SETD6: variants seen among roughly 807,000 people sequenced by gnomAD.
SETD6 encodes the protein N-lysine methyltransferase SETD6.
A neutral mutation model predicts 52.7 loss-of-function variants in SETD6; 67 were observed. That is an observed-to-expected ratio of 1.27 (90% CI 1.04 to 1.56). The LOEUF (loss-of-function observed/expected upper bound fraction) is 1.56. SETD6 is among the 40% of genes most tolerant of loss of function. The probability of loss-of-function intolerance (pLI) is 0.00; values close to 1 mark genes in which losing one functional copy is unlikely to be tolerated. For synonymous variants in SETD6, 307 were observed against 250.2 expected (o/e 1.23, Z -2.14); for missense variants, 712 against 607.5 (o/e 1.17, Z -1.81).
rs142453612 is a variant in SETD6, at chr16:58,521,551, G to T, written c.*2522G>T. ...GTATTTATATAAAGTGCAGATAATG[G>T]TATCTACCTCACAGCTGTTCAGAAT... On this transcript the variant is annotated 3_prime_UTR_variant, in exon 8 of 8. Coordinates refer to ENST00000219315, the MANE Select transcript of SETD6 (RefSeq NM_001160305.4). Among the ~76,000 whole-genome samples the T allele has an allele frequency of 4.7e-3, 714 of 152,290 alleles. 3 individuals are homozygous for T. The highest frequency in any genetic ancestry group is 0.016 in the African/African-American group (667 of 41,560).
rs1211896817 is a variant in SETD6, at chr16:58,518,765, C to T, written c.1158C>T (p.Asp386=). 1.9e-6 allele frequency: 3 copies of T among 1,613,978 alleles called. No individual in the cohort carries two copies. Among genetic ancestry groups the T allele is most frequent in the African/African-American group, 1.3e-5 (1 of 74,976 alleles). Residue 386 remains aspartate (D), a synonymous_variant, in exon 8 of 8, where the codon GAC becomes GAT. Transcript: ENST00000219315. ...MPAEEFRELK[D]QDGGGDDKRE... is the part of the protein sequence containing the mutation. The stretch of plus-strand genomic sequence containing the variant: ...CTGAGGAGTTCAGAGAGCTTAAAGA[C>T]CAGGATGGAGGGGGAGATGATAAAA...
chr16:58,518,230 G>A lies in SETD6; in HGVS notation c.972G>A (p.Gln324=). Residue 324 remains glutamine (Q), a splice_region_variant and synonymous_variant, in exon 6 of 8, where the codon CAG becomes CAA. Coordinates refer to ENST00000219315, the MANE Select transcript of SETD6 (RefSeq NM_001160305.4). ...QMVTVREAAL[Q]GTKTEAERHL... is the part of the protein sequence containing the mutation. ...TGACAGTTCGTGAGGCAGCATTACA[G>A]GGTGAGTGTATCATTAACTCAATAT... The A allele has an allele frequency of 1.9e-6, 3 of 1,614,200 alleles. No individual in the cohort carries two copies. The highest frequency in any genetic ancestry group is 1.7e-5 in the Admixed American group (1 of 60,020).
At position 58,523,349 on chromosome 16, in the gene SETD6, A is replaced by G; in HGVS notation, c.*4320A>G. ...GGAGGAGATCCTTTTGAAGCATTTA[A>G]AAAATAAGCTGCTCGCTTACCTTGT... On this transcript the variant is annotated 3_prime_UTR_variant, in exon 8 of 8. Coordinates refer to ENST00000219315, the MANE Select transcript of SETD6 (RefSeq NM_001160305.4). 7.7e-6 allele frequency: 12 copies of G among 1,560,262 alleles called. No individual in the cohort carries two copies. The highest frequency in any genetic ancestry group is 1.0e-5 in the Non-Finnish European group (12 of 1,153,226).
rs772042940 is a variant in SETD6 at position 58,518,515 on chromosome 16, C to G, written c.1088C>G (p.Thr363Ser). 1.3e-5 allele frequency: 20 copies of G among 1,593,928 alleles called. No individual in the cohort carries two copies. The highest frequency in any genetic ancestry group is 1.6e-5 in the Non-Finnish European group (19 of 1,175,606). ...GTGATAGGGAGGGAGGAGGTGCTGA[C>G]TGAAGAGGAGCTGACCACCACACTA... is the stretch of plus-strand genomic sequence containing the variant. ...AFVIGREEVLTEEELTTTLKV... is the reference protein window; with the variant it reads ...AFVIGREEVLSEEELTTTLKV... The change falls in exon 7 of 8, where the codon ACT becomes AGT. Residue 363 changes from threonine to serine, a missense_variant. Physicochemically the swap from Thr to Ser is moderately conservative, Grantham distance 58. Coordinates refer to ENST00000219315, the MANE Select transcript of SETD6 (RefSeq NM_001160305.4).
At chr16:58,517,952 G>A (rs941070515) in intron 5 of SETD6, 99 bp from the exon 6 acceptor site, 26 of 1,467,122 alleles carry the variant, frequency 1.8e-5, no homozygotes, top group Non-Finnish European at 2.1e-5. Context: ...CATCAGTCAT[G>A]GCTGAACTAC....
At position 58,515,580 on chromosome 16, in the gene SETD6, G is replaced by C; in HGVS notation, c.27+16G>C. Reference sequence around the variant, plus strand: ...GCGTCCACGGGTGAGTGGCGGGCGCGGGGTCCAGCCTTTTCCTCCGCGCCT... The same window carrying C: ...GCGTCCACGGGTGAGTGGCGGGCGCCGGGTCCAGCCTTTTCCTCCGCGCCT... On this transcript the variant is annotated intron_variant, in intron 1 of 7. Coordinates refer to ENST00000219315, the MANE Select transcript of SETD6 (RefSeq NM_001160305.4). The C allele has an allele frequency of 6.4e-7, 1 of 1,559,208 alleles. No individual in the cohort carries two copies.
In SETD6 at chr16:58,522,832, C is replaced by T. The variant is rs6499961; in HGVS notation, c.*3803C>T. 59,448 of 152,062 alleles carry T rather than the reference C, an allele frequency of 0.39. 13,006 individuals carry two copies. The highest frequency in any genetic ancestry group is 0.59 in the African/African-American group (24,465 of 41,466). The allele number at this position is 152,062 out of a possible 1,614,324, so 9.4% of individuals were successfully genotyped here. On this transcript the variant is annotated 3_prime_UTR_variant, in exon 8 of 8. Coordinates refer to ENST00000219315, the MANE Select transcript of SETD6 (RefSeq NM_001160305.4). ...CTACTTTTCATTTAAGCCATGATTG[C>T]GATTTATAATTCCCTATCTTGTGAT...
intron 7 of SETD6, 62 bp from the exon 8 acceptor site, chr16:58,518,662 T>C: frequency 1.9e-6 from 3 of 1,594,508 alleles, no homozygotes; most frequent in Non-Finnish European, 2.6e-6. Flanking sequence ...TTTAGTCTCC[T>C]GAGTCATTTC....
chr16:58,517,229 G>C (rs2039196815), intron 5 of SETD6: 2 of 407,046 alleles, frequency 4.9e-6, no homozygotes, highest in South Asian at 4.3e-5. Flanking sequence ...AGCCCAGACT[G>C]TGTGTGGCTC....
At position 58,516,271 on chromosome 16, in the gene SETD6, C is replaced by T. The variant is rs2039146016; in HGVS notation, c.404C>T (p.Ala135Val). 4.4e-6 allele frequency: 7 copies of T among 1,602,120 alleles called. No homozygotes were observed. Among genetic ancestry groups the T allele is most frequent in the Non-Finnish European group, 5.9e-6 (7 of 1,179,730 alleles). ...CTGGCGCTGCTCCACGAGCTGCAGG[C>T]CCCGGCCTCACGCTGGAGGCCCTAC... ...LLLALLHELQAPASRWRPYFA... is the reference protein window; with the variant it reads ...LLLALLHELQVPASRWRPYFA... Residue 135 changes from alanine (A) to valine (V), a missense_variant, in exon 3 of 8, where the codon GCC (alanine) becomes GTC (valine). Physicochemically the swap from Ala to Val is moderately conservative, Grantham distance 64. Transcript: ENST00000219315.
rs766602371 is a variant in SETD6 at position 58,518,780 on chromosome 16, A to G, written c.1173A>G (p.Gly391=). The change falls in exon 8 of 8, where the codon GGA becomes GGG. Residue 391 remains glycine (G), a synonymous_variant. Transcript: ENST00000219315. ...AGCTTAAAGACCAGGATGGAGGGGGAGATGATAAAAGGGAAGAGGGCAGCC... is the reference window on the plus strand; with the variant it reads ...AGCTTAAAGACCAGGATGGAGGGGGGGATGATAAAAGGGAAGAGGGCAGCC... ...FRELKDQDGG[G]DDKREEGSLT... 3.1e-6 allele frequency: 5 copies of G among 1,613,900 alleles called. No individual in the cohort carries two copies. Among genetic ancestry groups the G allele is most frequent in the Admixed American group, 1.7e-5 (1 of 60,004 alleles).
Position 58,523,561 on chromosome 16 carries a change from G to A in SETD6, c.*4532G>A, listed in dbSNP as rs2039481581. The A allele has an allele frequency of 1.2e-5, 18 of 1,542,936 alleles. No individual in the cohort carries two copies. The highest frequency in any genetic ancestry group is 1.7e-4 in the Middle Eastern group (1 of 5,796). ...TCTGAAAGGCCAACATGGGAAGACA[G>A]TTCTAACTGGCTAGGGTTTGGGTTT... On this transcript the variant is annotated 3_prime_UTR_variant, in exon 8 of 8. Transcript: ENST00000219315.
In SETD6 at chr16:58,521,366, C is replaced by A. The variant is rs754244218; in HGVS notation, c.*2337C>A. 2.6e-6 allele frequency: 4 copies of A among 1,538,762 alleles called. No individual in the cohort carries two copies. The highest frequency in any genetic ancestry group is 2.4e-5 in the South Asian group (2 of 82,504). ...GTTAATGTATAGAAGCATACAAATTCATGATTATTCTTCCATTACTTTTTT... is the reference window on the plus strand; with the variant it reads ...GTTAATGTATAGAAGCATACAAATTAATGATTATTCTTCCATTACTTTTTT... On this transcript the variant is annotated 3_prime_UTR_variant, in exon 8 of 8. Transcript: ENST00000219315.
In SETD6 at chr16:58,518,953, G is replaced by A; in HGVS notation, c.1346G>A (p.Trp449Ter). 1 of 1,614,196 alleles carries A rather than the reference G, an allele frequency of 6.2e-7. No individual in the cohort carries two copies. Among genetic ancestry groups the A allele is most frequent in the Non-Finnish European group, 8.5e-7 (1 of 1,180,042 alleles). The change falls in exon 8 of 8, where the codon TGG becomes TAG. Residue 449 changes from tryptophan to a stop codon, truncating the protein, a stop_gained. Transcript: ENST00000219315. LOFTEE classifies it high-confidence loss of function. ...SNKEVYAKLS[W>*]REQQALQVRY... Reference sequence around the variant, plus strand: ...AAGGAAGTCTATGCGAAACTCAGCTGGAGGGAACAGCAAGCCTTACAGGTT... The same window carrying A: ...AAGGAAGTCTATGCGAAACTCAGCTAGAGGGAACAGCAAGCCTTACAGGTT...
In SETD6 at chr16:58,518,113, T is replaced by G. The variant is rs181707932; in HGVS notation, c.855T>G (p.Tyr285Ter). 2.5e-6 allele frequency: 4 copies of G among 1,614,100 alleles called. No individual in the cohort carries two copies. The highest frequency in any genetic ancestry group is 2.5e-6 in the Non-Finnish European group (3 of 1,180,038). ...IPKGHEIFNT[Y>*]GQMANWQLIH... ...AAGGCCATGAGATTTTCAACACTTA[T>G]GGGCAAATGGCTAACTGGCAACTGA... is the stretch of plus-strand genomic sequence containing the variant. Residue 285 changes from tyrosine to a stop codon, truncating the protein, a stop_gained, in exon 6 of 8, where the codon TAT becomes TAG. Coordinates refer to ENST00000219315, the MANE Select transcript of SETD6 (RefSeq NM_001160305.4). LOFTEE classifies it high-confidence loss of function.
chr16:58,521,467 C>T lies in SETD6; in HGVS notation c.*2438C>T. 1 of 723,322 alleles carries T rather than the reference C, an allele frequency of 1.4e-6. No individual in the cohort carries two copies. The highest frequency in any genetic ancestry group is 2.2e-6 in the Non-Finnish European group (1 of 445,466). The allele number at this position is 723,322 out of a possible 1,614,324, so 44.8% of individuals were successfully genotyped here. A position where few individuals can be genotyped will look rare whatever the true frequency, so the allele number is the denominator to read the frequency against. ...TAAAGACAGGTGGATTAATATACTC[C>T]AAATAGCACAGGTTGGAATACCTGG... is the stretch of plus-strand genomic sequence containing the variant. On this transcript the variant is annotated 3_prime_UTR_variant, in exon 8 of 8. Coordinates refer to ENST00000219315, the MANE Select transcript of SETD6 (RefSeq NM_001160305.4).
rs374240201 is a variant in SETD6 at position 58,516,083 on chromosome 16, G to A, written c.320G>A (p.Gly107Asp). Reference protein sequence around the residue: ...LLSQHTCSIGGLLERERVALQ... With the variant: ...LLSQHTCSIGDLLERERVALQ... ...TCGCAGCACACCTGCTCCATCGGCG[G>A]CCTGCTGGAGCGAGGTGGGCACGGC... Residue 107 changes from glycine (G) to aspartate (D), a missense_variant, in exon 2 of 8, where the codon GGC becomes GAC. Coordinates refer to ENST00000219315, the MANE Select transcript of SETD6 (RefSeq NM_001160305.4). 2.0e-5 allele frequency: 28 copies of A among 1,416,708 alleles called. No homozygotes were observed. The highest frequency in any genetic ancestry group is 6.0e-5 in the East Asian group (2 of 33,288). 87.8% of individuals were successfully genotyped at this position (1,416,708 alleles called of 1,614,324 possible).
Position 58,518,767 on chromosome 16 carries a change from A to G in SETD6, c.1160A>G (p.Gln387Arg), listed in dbSNP as rs35087114. The part of the protein sequence containing the change: ...PAEEFRELKD[Q>R]DGGGDDKREE... ...GAGGAGTTCAGAGAGCTTAAAGACC[A>G]GGATGGAGGGGGAGATGATAAAAGG... Residue 387 changes from glutamine to arginine, a missense_variant, in exon 8 of 8, where the codon CAG becomes CGG. Physicochemically the swap from Gln to Arg is conservative, Grantham distance 43 (BLOSUM62 1). Coordinates refer to ENST00000219315, the MANE Select transcript of SETD6 (RefSeq NM_001160305.4). 5.7e-3 allele frequency: 9,135 copies of G among 1,614,162 alleles called. 30 individuals are homozygous for G. The highest frequency in any genetic ancestry group is 6.9e-3 in the Non-Finnish European group (8,191 of 1,180,018).
chr16:58,522,905 G>A lies in SETD6; in HGVS notation c.*3876G>A, dbSNP rs2039453938. The A allele has an allele frequency of 6.6e-6, 1 of 152,356 alleles. No homozygotes were observed. Among genetic ancestry groups the A allele is most frequent in the Admixed American group, 6.5e-5 (1 of 15,284 alleles). 9.4% of individuals were successfully genotyped at this position (152,356 alleles called of 1,614,324 possible). A position where few individuals can be genotyped will look rare whatever the true frequency, so the allele number is the denominator to read the frequency against. On this transcript the variant is annotated 3_prime_UTR_variant, in exon 8 of 8. Transcript: ENST00000219315. ...TAAGAGGGCAGGAACCATCCATTTTGCTCACAATTGTATCCCACATTTAAC... is the reference window on the plus strand; with the variant it reads ...TAAGAGGGCAGGAACCATCCATTTTACTCACAATTGTATCCCACATTTAAC...
Sources: gnomAD v4.1 joint callset for allele counts (sites outside exome capture counted in the v4.1 genomes callset) on GRCh38, gnomAD v4.1.1 for gene constraint, MANE v1.5 for transcripts, NCBI Gene and HGNC (gene_info 2026-07-23, HGNC 2026-07-21) for gene names.